LINGO2: variants seen among roughly 807,000 people sequenced by gnomAD.
LINGO2 encodes the protein leucine-rich repeat and immunoglobulin-like domain-containing nogo receptor-interacting protein 2.
LINGO2 carries 14 observed loss-of-function variants against 30.6 expected under a neutral mutation model. The ratio of observed to expected loss-of-function variants is 0.46; its 90% CI spans 0.30 to 0.72. LINGO2 has a LOEUF of 0.72. Ranked by LOEUF, LINGO2 falls within the 30% of genes least tolerant of loss-of-function variation. The pLI is 0.07. For missense variants in LINGO2, 729 were observed against 751.7 expected, an observed-to-expected ratio of 0.97 and a Z score of 0.35; for synonymous variants, 317 against 288.5, an observed-to-expected ratio of 1.10 and a Z score of -1.00.
the LINGO2 span, among the ~76,000 whole-genome samples, chr9:29,029,380 A>C: frequency 1.3e-5 from 2 of 152,198 alleles, no homozygotes; most frequent in African/African-American, 4.8e-5. Context: ...ATGCTGGTGC[A>C]CAGTAAGTAT....
chr9:28,630,411 A>C (rs1826883477), intron 1 of LINGO2, among the ~76,000 whole-genome samples: 2 of 152,068 alleles, frequency 1.3e-5, no homozygotes, highest in Admixed American at 6.6e-5. Context: ...ATAAACACTC[A>C]AGAAATTGAT....
intron 4 of LINGO2, among the ~76,000 whole-genome samples, chr9:28,272,186 G>A (rs1429056006): frequency 6.6e-6 from 1 of 151,908 alleles, no homozygotes; most frequent in East Asian, 1.9e-4. Context: ...TTTGCCTACT[G>A]ACCCCATGCT....
chr9:28,127,641 T>C (rs1827275840), intron 4 of LINGO2, among the ~76,000 whole-genome samples: 1 of 152,150 alleles, frequency 6.6e-6, no homozygotes, highest in Admixed American at 6.6e-5. Flanking sequence ...TGGCAAAATG[T>C]CCTCTCTATG....
chr9:28,929,437 G>A, the LINGO2 span, among the ~76,000 whole-genome samples: 1 of 152,212 alleles, frequency 6.6e-6, no homozygotes, highest in African/African-American at 2.4e-5. Flanking sequence ...TGAGGAGAGA[G>A]GGTTGGGAGG....
At chr9:28,779,756 T>C in the LINGO2 span, among the ~76,000 whole-genome samples, 1 of 152,140 alleles carries the variant, frequency 6.6e-6, no homozygotes, top group South Asian at 2.1e-4. Flanking sequence ...GTACATGTTA[T>C]TTTCACTCAA....
At chr9:28,304,175 T>C (rs1372132506) in intron 3 of LINGO2, among the ~76,000 whole-genome samples, 1 of 151,580 alleles carries the variant, frequency 6.6e-6, no homozygotes, top group African/African-American at 2.4e-5. Context: ...TTTTCTAATA[T>C]TTATAACAAA....
intron 2 of LINGO2, among the ~76,000 whole-genome samples, chr9:28,439,236 A>G (rs937393264): frequency 1.3e-5 from 2 of 151,088 alleles, no homozygotes; most frequent in Non-Finnish European, 1.5e-5. Context: ...ATATATTCAT[A>G]CTATATATGT....
At chr9:28,795,346 T>C in the LINGO2 span, among the ~76,000 whole-genome samples, 1 of 152,190 alleles carries the variant, frequency 6.6e-6, no homozygotes, top group Admixed American at 6.5e-5. Flanking sequence ...ATATTCAATT[T>C]GACAGTCTTG....
At chr9:28,244,987 G>A (rs1341906867) in intron 4 of LINGO2, among the ~76,000 whole-genome samples, 2 of 152,056 alleles carry the variant, frequency 1.3e-5, no homozygotes, top group African/African-American at 4.8e-5. Context: ...CCAACACCTG[G>A]CAGAGACACA....
the LINGO2 span, among the ~76,000 whole-genome samples, chr9:28,769,496 ATATATATATATATATATATATATTTTT>A: frequency 9.2e-5 from 2 of 21,700 alleles, no homozygotes; most frequent in Admixed American, 4.8e-4. Flanking sequence ...ATATATATAT[ATATATATATATATATATATATATTTTT>A]TTTTTTTTTT....
chr9:28,589,024 A>G (rs1344070130), intron 1 of LINGO2, among the ~76,000 whole-genome samples: 1 of 152,184 alleles, frequency 6.6e-6, no homozygotes, highest in Non-Finnish European at 1.5e-5. Context: ...GTAATCCAGC[A>G]TATAAACAGA....
At chr9:28,517,268 C>A (rs1325776470) in intron 1 of LINGO2, among the ~76,000 whole-genome samples, 1 of 152,134 alleles carries the variant, frequency 6.6e-6, no homozygotes, top group Non-Finnish European at 1.5e-5. Flanking sequence ...TCTAAAAGAG[C>A]CAGATCTTTA....
chr9:28,151,739 G>C (rs556864836), intron 4 of LINGO2, among the ~76,000 whole-genome samples: 2 of 151,790 alleles, frequency 1.3e-5, no homozygotes, highest in Admixed American at 1.3e-4. Context: ...TCTAAATGAT[G>C]ACTCAGAAAA....
rs146191621 is a variant in LINGO2, at chr9:28,321,627, A to C, written c.-245-26261T>G. On this transcript the variant is annotated intron_variant, in intron 3 of 5. Coordinates refer to ENST00000379992, the Ensembl canonical transcript of LINGO2. ...TGAAGAGTGGAGAAGCAGATTTCAA[A>C]GCAGAGAAGTGCTATAATAGGGCCA... is the stretch of plus-strand genomic sequence containing the variant. Among the ~76,000 whole-genome samples the C allele has an allele frequency of 1.1e-4, 17 of 152,350 alleles. No individual in the cohort carries two copies. The East Asian group carries it at 3.3e-3, about 29-fold the overall frequency.
At chr9:27,949,916 T>G (rs775885638) in exon 6 of LINGO2, 1 of 1,613,970 alleles carries the variant, frequency 6.2e-7, no homozygotes, top group Admixed American at 1.7e-5. Context: ...CTGAAAGGGA[T>G]GTGAGGTTGA....
chr9:27,972,898 C>G (rs1402648308), intron 5 of LINGO2, among the ~76,000 whole-genome samples: 1 of 152,196 alleles, frequency 6.6e-6, no homozygotes, highest in Non-Finnish European at 1.5e-5. Flanking sequence ...AAGTAAAGAT[C>G]TGCTGTTACC....
At chr9:28,181,450 T>C (rs967403288) in intron 4 of LINGO2, among the ~76,000 whole-genome samples, 5 of 152,082 alleles carry the variant, frequency 3.3e-5, no homozygotes, top group Admixed American at 2.6e-4. Flanking sequence ...AGCATCCACA[T>C]CCCCTGGAAG....
chr9:28,603,575 T>C (rs1320190029), intron 1 of LINGO2, among the ~76,000 whole-genome samples: 1 of 152,066 alleles, frequency 6.6e-6, no homozygotes, highest in Non-Finnish European at 1.5e-5. Flanking sequence ...AAAGATACAA[T>C]TTATATTGCC....
chr9:28,054,635 G>A (rs772457065), intron 4 of LINGO2, among the ~76,000 whole-genome samples: 1 of 152,062 alleles, frequency 6.6e-6, no homozygotes, highest in Non-Finnish European at 1.5e-5. Flanking sequence ...AACAAAAACA[G>A]AGCAGGCATT....
Sources: gnomAD v4.1 joint callset for allele counts (sites outside exome capture counted in the v4.1 genomes callset) on GRCh38, gnomAD v4.1.1 for gene constraint, MANE v1.5 for transcripts, NCBI Gene and HGNC (gene_info 2026-07-23, HGNC 2026-07-21) for gene names.